The following DPP6 variants were observed in gnomAD, a reference collection of about 807,000 sequenced individuals.
DPP6 encodes the protein dipeptidyl peptidase like 6, also known as A-type potassium channel modulatory protein DPP6.
In DPP6, 69 loss-of-function variants were observed where a neutral mutation model predicts 122.6. The ratio of observed to expected loss-of-function variants is 0.56; its 90% CI spans 0.46 to 0.69. The LOEUF is 0.69. Ranked by LOEUF, DPP6 falls within the 30% of genes least tolerant of loss-of-function variation. The pLI is 0.00. For synonymous variants in DPP6, 418 were observed against 433.1 expected (o/e 0.97, Z 0.43); for missense variants, 928 against 1,116.9 (o/e 0.83, Z 2.41).
chr7:153,921,294 T>G (rs1391157236), intron 1 of DPP6, among the ~76,000 whole-genome samples: 2 of 152,254 alleles, frequency 1.3e-5, no homozygotes, highest in Admixed American at 1.3e-4. Flanking sequence ...GTTCTGGAAT[T>G]GATTGTTATC....
At chr7:154,774,953 A>G (rs962568196) in intron 10 of DPP6, among the ~76,000 whole-genome samples, 4 of 152,196 alleles carry the variant, frequency 2.6e-5, no homozygotes, top group Admixed American at 2.6e-4. Flanking sequence ...GAGTTTCTGC[A>G]TGTCCATGCT....
chr7:154,205,190 C>A (rs141116771), intron 1 of DPP6, among the ~76,000 whole-genome samples: 2 of 152,144 alleles, frequency 1.3e-5, no homozygotes, highest in East Asian at 3.9e-4. Context: ...GATTCACATG[C>A]ACTTACAGGA....
At chr7:154,781,625 A>T (rs1797035822) in intron 10 of DPP6, among the ~76,000 whole-genome samples, 1 of 152,214 alleles carries the variant, frequency 6.6e-6, no homozygotes, top group Non-Finnish European at 1.5e-5. Context: ...ACTTTAGTAG[A>T]GCAGCGCTTG....
At chr7:154,457,828 C>T (rs1178037970) in intron 2 of DPP6, among the ~76,000 whole-genome samples, 3 of 20,374 alleles carry the variant, frequency 1.5e-4, no homozygotes, top group Non-Finnish European at 2.8e-4. Context: ...GTGGTGGGGT[C>T]GGGGGAGGGG....
Position 154,483,138 on chromosome 7 carries a change from C to G in DPP6, c.457+8101C>G, listed in dbSNP as rs1005114161. On this transcript the variant is annotated intron_variant, in intron 3 of 25. Transcript: ENST00000377770. The surrounding 1 kb of genome is among the most constrained non-coding windows in gnomAD (Gnocchi z 8.1). ...ACGGAGGTGTCTGAGGAAGTGTGGTCAGGGAGGCAGGAGGAGAACTTCTAC... is the reference window on the plus strand; with the variant it reads ...ACGGAGGTGTCTGAGGAAGTGTGGTGAGGGAGGCAGGAGGAGAACTTCTAC... 5.3e-5 allele frequency among the ~76,000 whole-genome samples: 8 copies of G among 151,910 alleles called. No homozygotes were observed. Among genetic ancestry groups the G allele is most frequent in the African/African-American group, 1.9e-4 (8 of 41,370 alleles).
the DPP6 span, among the ~76,000 whole-genome samples, chr7:153,770,317 C>T: frequency 1.3e-5 from 2 of 152,146 alleles, no homozygotes; most frequent in Non-Finnish European, 2.9e-5. Context: ...GGAGAAGGGG[C>T]ACTCCTCAAA....
chr7:154,057,086 A>G (rs1376112226), intron 1 of DPP6, among the ~76,000 whole-genome samples: 1 of 152,232 alleles, frequency 6.6e-6, no homozygotes, highest in African/African-American at 2.4e-5. Flanking sequence ...GGCCCCTACA[A>G]AGTGGGAGCC....
At chr7:154,116,626 C>T (rs866234061) in intron 1 of DPP6, among the ~76,000 whole-genome samples, 2 of 152,138 alleles carry the variant, frequency 1.3e-5, no homozygotes, top group East Asian at 1.9e-4. Flanking sequence ...TCATCTCAAC[C>T]GTCTTTTAAA....
intron 8 of DPP6, among the ~76,000 whole-genome samples, chr7:154,762,783 A>G (rs1208936423): frequency 2.0e-5 from 3 of 152,274 alleles, no homozygotes; most frequent in African/African-American, 7.2e-5. Flanking sequence ...GAGGGAGTTT[A>G]TAACTTTACA....
intron 1 of DPP6, among the ~76,000 whole-genome samples, chr7:154,431,435 T>A (rs1818358174): frequency 1.0e-5 from 1 of 96,818 alleles, no homozygotes; most frequent in Non-Finnish European, 2.4e-5. Context: ...GGCTCTGTTT[T>A]TCTTTCCTTT....
At chr7:154,071,281 G>T (rs1415605303) in intron 1 of DPP6, among the ~76,000 whole-genome samples, 2 of 152,100 alleles carry the variant, frequency 1.3e-5, no homozygotes, top group Non-Finnish European at 2.9e-5. Context: ...CTTTATCCCT[G>T]GAATAACCTT....
At chr7:154,365,168 TGCACCGTAG>T (rs1397046993) in intron 1 of DPP6, among the ~76,000 whole-genome samples, 6 of 152,206 alleles carry the variant, frequency 3.9e-5, no homozygotes, top group Non-Finnish European at 7.3e-5. Context: ...AGAAATTCAT[TGCACCGTAG>T]GTTATTGTTG....
intron 4 of DPP6, 80 bp downstream of exon 4, chr7:154,540,706 T>A: frequency 1.1e-6 from 1 of 879,342 alleles, no homozygotes; most frequent in South Asian, 1.7e-5. Flanking sequence ...ACTTTTGGTT[T>A]CAACTTTTAG....
intron 1 of DPP6, among the ~76,000 whole-genome samples, chr7:154,188,313 C>A (rs1798449341): frequency 6.6e-6 from 1 of 151,936 alleles, no homozygotes; most frequent in Non-Finnish European, 1.5e-5. Flanking sequence ...AAAATACTTT[C>A]CCCCCCAAAT....
At chr7:154,148,364 A>T (rs1452868658) in intron 1 of DPP6, among the ~76,000 whole-genome samples, 3 of 150,380 alleles carry the variant, frequency 2.0e-5, no homozygotes, top group Non-Finnish European at 4.4e-5. Flanking sequence ...GAGGGCTGGG[A>T]TGGAGAGGGT....
intron 16 of DPP6, among the ~76,000 whole-genome samples, chr7:154,843,842 G>A (rs1801748495): frequency 6.6e-6 from 1 of 152,170 alleles, no homozygotes; most frequent in Non-Finnish European, 1.5e-5. Context: ...CTGAACCATG[G>A]ACCGCGTCTG....
intron 1 of DPP6, among the ~76,000 whole-genome samples, chr7:154,359,195 C>T (rs1025066535): frequency 1.3e-5 from 2 of 152,196 alleles, no homozygotes; most frequent in African/African-American, 2.4e-5. Context: ...GACAAGCCCC[C>T]TGCGTGCTGG....
chr7:154,833,828 T>G lies in DPP6; in HGVS notation c.1667-19952T>G, dbSNP rs1456978490. Among the ~76,000 whole-genome samples, 1 of 152,128 alleles carries G rather than the reference T, an allele frequency of 6.6e-6. No homozygotes were observed. Among genetic ancestry groups the G allele is most frequent in the African/African-American group, 2.4e-5 (1 of 41,410 alleles). On this transcript the variant is annotated intron_variant, in intron 16 of 25. Transcript: ENST00000377770. The surrounding 1 kb of genome is among the most constrained non-coding windows in gnomAD (Gnocchi z 4.3). ...AGGAAATTTAAGGACAAAGGAAAAT[T>G]ATGTGGACAAAGGAGTTTTATTTTC... is the stretch of plus-strand genomic sequence containing the variant.
At chr7:154,625,682 G>A (rs1016184577) in intron 5 of DPP6, among the ~76,000 whole-genome samples, 2 of 152,202 alleles carry the variant, frequency 1.3e-5, no homozygotes, top group African/African-American at 4.8e-5. Flanking sequence ...CAGCAGGGAA[G>A]GCTGCAAAGA....
Sources: allele counts gnomAD v4.1 joint callset (sites outside exome capture counted in the v4.1 genomes callset), GRCh38; gene constraint gnomAD v4.1.1; non-coding constraint Gnocchi (gnomAD v3.1); transcripts MANE v1.5; gene names NCBI Gene and HGNC (gene_info 2026-07-23, HGNC 2026-07-21).